CASP8: variants seen among roughly 807,000 people sequenced by gnomAD.
The protein encoded by CASP8 is caspase-8.
Under a neutral mutation model 46.3 loss-of-function variants are expected in CASP8, and 24 were observed. That is an observed-to-expected ratio of 0.52 (90% confidence interval 0.38 to 0.73). The LOEUF (loss-of-function observed/expected upper bound fraction) is 0.73, where lower values mean the gene tolerates loss of function less well. CASP8 is among the 30% of genes least tolerant of loss of function. The pLI is 0.00. For synonymous variants in CASP8, 188 were observed against 200.4 expected (o/e 0.94, Z 0.52); for missense variants, 460 against 559.0 (o/e 0.82, Z 1.79).
At chr2:201,259,284 CA>C (rs1335737673), upstream of CASP8, among the ~76,000 whole-genome samples, 4 of 152,102 alleles carry the variant, frequency 2.6e-5, no homozygotes, top group Non-Finnish European at 5.9e-5. Flanking sequence ...GCAATTTTCC[CA>C]TCTCAGCCTT....
chr2:201,269,617 C>A (rs1367474899), intron 2 of CASP8: 1 of 1,590,234 alleles, frequency 6.3e-7, no homozygotes, highest in Non-Finnish European at 8.6e-7. Context: ...CAGGATCTCT[C>A]TTAAAATCTT....
chr2:201,264,220 T>C (rs1453639250), intron 1 of CASP8, among the ~76,000 whole-genome samples: 1 of 152,236 alleles, frequency 6.6e-6, no homozygotes, highest in Non-Finnish European at 1.5e-5. Flanking sequence ...TTCTGCTCTT[T>C]CGTTATTTCA....
chr2:201,272,118 TGTG>T lies in CASP8; in HGVS notation c.411+500_411+502del. Among the ~76,000 whole-genome samples the T allele has an allele frequency of 6.6e-6, 1 of 152,026 alleles. No homozygotes were observed. Among genetic ancestry groups the T allele is most frequent in the South Asian group, 2.1e-4 (1 of 4,810 alleles). On this transcript the variant is annotated intron_variant, in intron 3 of 8. Coordinates refer to ENST00000673742, the MANE Select transcript of CASP8 (RefSeq NM_001372051.1). This position sits in a 1 kb window ranked among gnomAD's most constrained non-coding sequence, Gnocchi z 4.4. ...TGTATCTCTGTGTGTGTGTTCTCTG[TGTG>T]GTATGTGTGTCTGTGTGTTGTGTAG...
At chr2:201,253,293 CTTT>C (rs34341476) in intron 2 of CASP8, among the ~76,000 whole-genome samples, 5,725 of 67,626 alleles carry the variant, frequency 0.085, 249 homozygotes, top group African/African-American at 0.19. Flanking sequence ...CTAGCCTGAT[CTTT>C]TTTTTTTTTT....
chr2:201,274,884 T>G lies in CASP8; in HGVS notation c.596-5T>G. 1 of 1,610,760 alleles carries G rather than the reference T, an allele frequency of 6.2e-7. No homozygotes were observed. The highest frequency in any genetic ancestry group is 1.1e-5 in the South Asian group (1 of 90,978). On this transcript the variant is annotated splice_polypyrimidine_tract_variant and splice_region_variant and intron_variant, in intron 5 of 8. Transcript: ENST00000673742. ...ATTCTAGATGTGTCTCTTCGTTGTTTGCAGGGGAGGAGTTGTGTGGGGTAA... is the reference window on the plus strand; with the variant it reads ...ATTCTAGATGTGTCTCTTCGTTGTTGGCAGGGGAGGAGTTGTGTGGGGTAA...
At chr2:201,244,382 T>C (rs1337073524) in intron 2 of CASP8, among the ~76,000 whole-genome samples, 1 of 152,206 alleles carries the variant, frequency 6.6e-6, no homozygotes, top group Non-Finnish European at 1.5e-5. Flanking sequence ...CAGTCTATTC[T>C]GTAGGAGAGA....
intron 2 of CASP8, among the ~76,000 whole-genome samples, chr2:201,235,463 G>A (rs750173950): frequency 1.3e-5 from 2 of 151,718 alleles, no homozygotes; most frequent in Non-Finnish European, 2.9e-5. Context: ...TTTTTTATTC[G>A]TGGCATCAAT....
Position 201,283,690 on chromosome 2 carries a change from A to AC in CASP8, c.803-1117dup, listed in dbSNP as rs1185306535. Among the ~76,000 whole-genome samples, 338 of 45,504 alleles carry AC rather than the reference A, an allele frequency of 7.4e-3. 52 individuals carry two copies. Among genetic ancestry groups the AC allele is most frequent in the Non-Finnish European group, 0.01 (203 of 19,538 alleles). The allele number at this position is 45,504 out of a possible 152,430, so 29.9% of individuals were successfully genotyped here. A position where few individuals can be genotyped will look rare whatever the true frequency, so the allele number is the denominator to read the frequency against. ...TCCCGGACGGGGCGGATGGCCGACC[A>AC]CCCCCCCCCGCCTCCCTCCCGGACG... On this transcript the variant is annotated intron_variant, in intron 7 of 8. Transcript: ENST00000673742.
chr2:201,239,848 T>A (rs1946229322), intron 2 of CASP8, among the ~76,000 whole-genome samples: 1 of 152,236 alleles, frequency 6.6e-6, no homozygotes, highest in South Asian at 2.1e-4. Flanking sequence ...TGGCTTCTGA[T>A]GCAAGCTGGG....
At chr2:201,244,105 C>T (rs1377262485) in intron 2 of CASP8, among the ~76,000 whole-genome samples, 1 of 152,168 alleles carries the variant, frequency 6.6e-6, no homozygotes, top group Non-Finnish European at 1.5e-5. Flanking sequence ...TTGAGGGTCT[C>T]TGTTAGGAGC....
chr2:201,236,659 A>G (rs890593191), intron 2 of CASP8, among the ~76,000 whole-genome samples: 10 of 152,094 alleles, frequency 6.6e-5, no homozygotes, highest in Non-Finnish European at 5.9e-5. Flanking sequence ...ACCTCGGCTT[A>G]CCGAACCCTG....
At chr2:201,240,445 T>C (rs1946251187) in intron 2 of CASP8, 1 of 152,156 alleles carries the variant, frequency 6.6e-6, no homozygotes, top group African/African-American at 2.4e-5. Context: ...AAGTATATTA[T>C]ATAATGAAAA....
chr2:201,280,377 A>G (rs139298338), intron 7 of CASP8, among the ~76,000 whole-genome samples: 2 of 152,332 alleles, frequency 1.3e-5, no homozygotes, highest in East Asian at 1.9e-4. Flanking sequence ...AAATGACGCA[A>G]TCTCCAGATT....
upstream of CASP8, among the ~76,000 whole-genome samples, chr2:201,259,720 C>T (rs1947250156): frequency 1.3e-5 from 2 of 152,082 alleles, no homozygotes; most frequent in Non-Finnish European, 2.9e-5. Flanking sequence ...TGGTATATCC[C>T]TAGAGCCCAA....
chr2:201,278,909 A>G (rs1045018978), intron 7 of CASP8, among the ~76,000 whole-genome samples: 3 of 152,254 alleles, frequency 2.0e-5, no homozygotes, highest in African/African-American at 7.2e-5. Flanking sequence ...AGGAATAAAA[A>G]AGGAATAATC....
At chr2:201,284,242 C>T (rs1949386599) in intron 7 of CASP8, among the ~76,000 whole-genome samples, 1 of 41,856 alleles carries the variant, frequency 2.4e-5, no homozygotes, top group African/African-American at 1.2e-4. Flanking sequence ...CGATGGGTGG[C>T]CAAGCAGAGA....
chr2:201,245,958 C>G (rs1946499361), intron 2 of CASP8, among the ~76,000 whole-genome samples: 1 of 151,302 alleles, frequency 6.6e-6, no homozygotes, highest in Non-Finnish European at 1.5e-5. Context: ...ACCTCTACCT[C>G]CCAGGTTCAA....
At chr2:201,271,103 G>A (rs554618877) in intron 2 of CASP8, among the ~76,000 whole-genome samples, 5 of 152,262 alleles carry the variant, frequency 3.3e-5, no homozygotes, top group South Asian at 2.1e-4. Context: ...ATGCTTGGCC[G>A]TCTTACTGAA....
intron 1 of CASP8, among the ~76,000 whole-genome samples, chr2:201,261,229 TA>T (rs1348363140): frequency 6.6e-6 from 1 of 151,848 alleles, no homozygotes; most frequent in Admixed American, 6.6e-5. Flanking sequence ...CCGTCTCTAC[TA>T]AAAATACAAA....
Sources: allele counts gnomAD v4.1 joint callset (sites outside exome capture counted in the v4.1 genomes callset), GRCh38; gene constraint gnomAD v4.1.1; non-coding constraint Gnocchi (gnomAD v3.1); transcripts MANE v1.5; gene names NCBI Gene and HGNC (gene_info 2026-07-23, HGNC 2026-07-21).